The following LCOR variants were observed in gnomAD, a reference collection of about 807,000 sequenced individuals.
LCOR encodes ligand dependent nuclear receptor corepressor, also known as ligand-dependent corepressor.
In LCOR, 14 loss-of-function variants were observed where a neutral mutation model predicts 64.4. The ratio of observed to expected loss-of-function variants is 0.22; its 90% CI spans 0.14 to 0.34. The LOEUF is 0.34. LCOR is among the 10% of genes least tolerant of loss of function. LCOR has a pLI of 1.00. For missense variants in LCOR, 1,686 were observed against 1,765.3 expected, an observed-to-expected ratio of 0.96 and a Z score of 0.80; for synonymous variants, 643 against 642.5, an observed-to-expected ratio of 1.00 and a Z score of -0.01.
chr10:96,901,641 A>G lies in LCOR; in HGVS notation c.-329-5624A>G, dbSNP rs150236313. ...TGCCTTTTCTTGCTCTAAAAATCCT[A>G]TTTTACAGATACTGCACGTCTGGCC... is the stretch of plus-strand genomic sequence containing the variant. On this transcript the variant is annotated intron_variant, in intron 2 of 7. Coordinates refer to ENST00000421806, the MANE Select transcript of LCOR (RefSeq NM_001346516.2). 5.9e-3 allele frequency among the ~76,000 whole-genome samples: 900 copies of G among 152,158 alleles called. 5 individuals are homozygous for G. The highest frequency in any genetic ancestry group is 9.3e-3 in the Non-Finnish European group (634 of 67,992).
chr10:96,894,720 G>A (rs917600859), intron 2 of LCOR, among the ~76,000 whole-genome samples: 1 of 152,210 alleles, frequency 6.6e-6, no homozygotes, highest in African/African-American at 2.4e-5. Flanking sequence ...TGATGTGTTA[G>A]AAGTGTGGTA....
intron 2 of LCOR, among the ~76,000 whole-genome samples, chr10:96,895,003 A>C (rs540065072): frequency 2.0e-5 from 3 of 152,312 alleles, no homozygotes; most frequent in Admixed American, 6.5e-5. Flanking sequence ...ATCTTTAAAC[A>C]TTGGAATGCT....
At chr10:96,886,230 C>T (rs1205813290) in intron 2 of LCOR, among the ~76,000 whole-genome samples, 1 of 152,140 alleles carries the variant, frequency 6.6e-6, no homozygotes, top group Admixed American at 6.5e-5. Context: ...TGTTGAAGTG[C>T]ACTCAGAACT....
rs1195343103 is a variant in LCOR, at chr10:96,870,327, G to T, written c.-330+36848G>T. Among the ~76,000 whole-genome samples, 3 of 152,102 alleles carry T rather than the reference G, an allele frequency of 2.0e-5. No individual in the cohort carries two copies. In the East Asian group the frequency reaches 5.8e-4, roughly 29 times the overall value. On this transcript the variant is annotated intron_variant, in intron 2 of 7. Transcript: ENST00000421806. ...CACCCGGCCCTAAACCCTAGGTTTTGACTTCTGTAAGAAGGAAAGATTTAA... is the reference window on the plus strand; with the variant it reads ...CACCCGGCCCTAAACCCTAGGTTTTTACTTCTGTAAGAAGGAAAGATTTAA...
intron 4 of LCOR, among the ~76,000 whole-genome samples, chr10:96,914,339 A>G (rs1846899724): frequency 6.6e-6 from 1 of 152,128 alleles, no homozygotes; most frequent in African/African-American, 2.4e-5. Context: ...CTGGGATTAC[A>G]GGTGTCCACC....
intron 7 of LCOR, among the ~76,000 whole-genome samples, chr10:96,979,128 C>T (rs188152233): frequency 3.9e-5 from 6 of 152,300 alleles, no homozygotes; most frequent in Admixed American, 2.0e-4. Context: ...TGTCTAGGGT[C>T]AGCCTTCCTG....
Position 96,981,590 on chromosome 10 carries a change from T to C in LCOR, c.1130T>C (p.Leu377Ser). The C allele has an allele frequency of 6.2e-7, 1 of 1,614,238 alleles. No individual in the cohort carries two copies. Among genetic ancestry groups the C allele is most frequent in the Non-Finnish European group, 8.5e-7 (1 of 1,180,048 alleles). The change falls in exon 8 of 8, where the codon TTG becomes TCG. Residue 377 changes from leucine to serine, a missense_variant. Transcript: ENST00000421806. ...ENTLQCPKTP[L>S]RQDLEANEQD... is the part of the protein sequence containing the mutation. The stretch of plus-strand genomic sequence containing the variant: ...ACTTTACAGTGTCCAAAAACACCTT[T>C]GCGCCAGGATTTAGAGGCAAATGAA...
intron 2 of LCOR, among the ~76,000 whole-genome samples, chr10:96,840,019 T>G (rs1317754406): frequency 6.6e-6 from 1 of 152,222 alleles, no homozygotes; most frequent in East Asian, 1.9e-4. Context: ...ATATACTGTT[T>G]TTAAAGTGTT....
At chr10:96,873,555 GAT>G (rs1440257667) in intron 2 of LCOR, among the ~76,000 whole-genome samples, 1 of 129,224 alleles carries the variant, frequency 7.7e-6, no homozygotes, top group African/African-American at 2.9e-5. Context: ...TTTGTTTTTC[GAT>G]ACACACACAC....
intron 7 of LCOR, among the ~76,000 whole-genome samples, chr10:96,967,507 G>A (rs1847961991): frequency 1.3e-5 from 2 of 152,016 alleles, no homozygotes; most frequent in South Asian, 2.1e-4. Flanking sequence ...GTAAAGTGAG[G>A]GTGTTACAGA....
intron 7 of LCOR, among the ~76,000 whole-genome samples, chr10:96,979,330 A>G (rs1025548166): frequency 6.6e-6 from 1 of 152,240 alleles, no homozygotes; most frequent in Non-Finnish European, 1.5e-5. Flanking sequence ...AAAATTATAT[A>G]AAACTCCAGG....
At chr10:96,883,121 T>C (rs1846290314) in intron 2 of LCOR, among the ~76,000 whole-genome samples, 2 of 152,134 alleles carry the variant, frequency 1.3e-5, no homozygotes, top group East Asian at 1.9e-4. Context: ...GCTGCAACCC[T>C]CACCTCCTGG....
At chr10:96,919,817 A>G (rs1458935785) in intron 4 of LCOR, among the ~76,000 whole-genome samples, 2 of 152,136 alleles carry the variant, frequency 1.3e-5, no homozygotes, top group Non-Finnish European at 1.5e-5. Flanking sequence ...ATATTGTTGT[A>G]TGTGTCAGAA....
chr10:96,962,017 C>T (rs1847889313), intron 7 of LCOR: 1 of 151,994 alleles, frequency 6.6e-6, no homozygotes, highest in Non-Finnish European at 1.5e-5. Flanking sequence ...TCTGTTACAA[C>T]ACTAAAGTCT....
intron 2 of LCOR, among the ~76,000 whole-genome samples, chr10:96,870,367 A>G (rs1846052817): frequency 1.3e-5 from 2 of 152,206 alleles, no homozygotes. Flanking sequence ...ACAAACAAAC[A>G]TTAAATTACA....
At chr10:96,940,988 A>G (rs1360229753) in intron 4 of LCOR, among the ~76,000 whole-genome samples, 5 of 116,434 alleles carry the variant, frequency 4.3e-5, no homozygotes, top group Admixed American at 4.2e-4. Flanking sequence ...GGCGCCCCTC[A>G]CCTCCCGGAT....
chr10:96,891,132 G>A (rs536679496), intron 2 of LCOR, among the ~76,000 whole-genome samples: 1 of 152,078 alleles, frequency 6.6e-6, no homozygotes, highest in African/African-American at 2.4e-5. Flanking sequence ...TGTTTGGTAG[G>A]ATTCACCAAT....
intron 7 of LCOR, chr10:96,956,306 C>A: frequency 1.0e-6 from 1 of 993,830 alleles, no homozygotes. Flanking sequence ...GAAACAAAGC[C>A]CCCTTTTAGA....
chr10:96,849,061 CTTTTTTTTTT>C lies in LCOR; in HGVS notation c.-330+15603_-330+15612del, dbSNP rs67974828. Among the ~76,000 whole-genome samples, 29 of 33,834 alleles carry C rather than the reference CTTTTTTTTTT, an allele frequency of 8.6e-4. No individual in the cohort carries two copies. In the South Asian group the frequency reaches 0.012, roughly 14 times the overall value. The allele number at this position is 33,834 out of a possible 152,430, so 22.2% of individuals were successfully genotyped here. A position where few individuals can be genotyped will look rare whatever the true frequency, so the allele number is the denominator to read the frequency against. Reference sequence around the variant, plus strand: ...TCCTCTCTGTCACCTGGCTAATTGTCTTTTTTTTTTTTTTTTTTTTTTTTTTTTTTGAGAC... The same window carrying C: ...TCCTCTCTGTCACCTGGCTAATTGTCTTTTTTTTTTTTTTTTTTTTGAGAC... On this transcript the variant is annotated intron_variant, in intron 2 of 7. Coordinates refer to ENST00000421806, the MANE Select transcript of LCOR (RefSeq NM_001346516.2).
Sources: allele counts gnomAD v4.1 joint callset (sites outside exome capture counted in the v4.1 genomes callset), GRCh38; gene constraint gnomAD v4.1.1; transcripts MANE v1.5; gene names NCBI Gene and HGNC (gene_info 2026-07-23, HGNC 2026-07-21).